Variants in BRF1 observed in about 807,000 individuals in gnomAD.
BRF1 encodes transcription factor IIIB 90 kDa subunit.
Under a neutral mutation model 81.7 loss-of-function variants are expected in BRF1, and 59 were observed. The observed-to-expected ratio is 0.72, with a 90% confidence interval of 0.59 to 0.90. BRF1 has a LOEUF of 0.90. Among genes scored for constraint, BRF1 ranks in the 40% least tolerant of loss-of-function variants. BRF1 has a pLI of 0.00. For synonymous variants in BRF1, 491 were observed against 395.6 expected, an observed-to-expected ratio of 1.24 and a Z score of -2.86; for missense variants, 1,050 against 936.3, an observed-to-expected ratio of 1.12 and a Z score of -1.58.
intron 3 of BRF1, among the ~76,000 whole-genome samples, chr14:105,259,825 G>C (rs370650667): frequency 6.6e-6 from 1 of 152,130 alleles, no homozygotes; most frequent in Admixed American, 6.5e-5. Context: ...CATTAGAATC[G>C]CTTGAACCCA....
chr14:105,217,589 G>A lies in BRF1; in HGVS notation c.1727C>T (p.Pro576Leu), dbSNP rs372345375. The part of the protein sequence containing the change: ...SARKLSRRRT[P>L]ASRSGADPVT... Reference sequence around the variant, plus strand: ...AGGGTCAGCCCCACTTCTGCTGGCCGGCGTCCTCCTTCGTGACAGCTTCCT... The same window carrying A: ...AGGGTCAGCCCCACTTCTGCTGGCCAGCGTCCTCCTTCGTGACAGCTTCCT... Residue 576 changes from proline to leucine, a missense_variant, in exon 15 of 18, where the codon CCG becomes CTG. This residue lies in a region of BRF1 where 1,043 missense variants were observed against 915.4 expected (regional missense o/e 1.14). Transcript: ENST00000547530. 27 of 1,613,452 alleles carry A rather than the reference G, an allele frequency of 1.7e-5. No homozygotes were observed. The highest frequency in any genetic ancestry group is 1.6e-4 in the Middle Eastern group (1 of 6,062).
intron 2 of BRF1, among the ~76,000 whole-genome samples, chr14:105,275,414 G>A (rs2056840147): frequency 6.6e-6 from 1 of 152,218 alleles, no homozygotes; most frequent in Admixed American, 6.5e-5. Context: ...GCCAAGCCAA[G>A]ACCCCAAAAG....
At chr14:105,292,125 G>T (rs895866592) in intron 1 of BRF1, among the ~76,000 whole-genome samples, 1 of 152,160 alleles carries the variant, frequency 6.6e-6, no homozygotes, top group East Asian at 1.9e-4. Context: ...CAAATAGGCG[G>T]GACCACAGAC....
chr14:105,251,170 C>A, intron 5 of BRF1: 1 of 160,304 alleles, frequency 6.2e-6, no homozygotes. Flanking sequence ...AGCTCCCTCC[C>A]ATCCCGAGGA....
intron 1 of BRF1, among the ~76,000 whole-genome samples, chr14:105,288,018 C>T (rs1378682600): frequency 6.6e-6 from 1 of 152,172 alleles, no homozygotes; most frequent in Non-Finnish European, 1.5e-5. Flanking sequence ...AGCAGGGCAC[C>T]AGCACTGAGC....
chr14:105,229,686 A>T (rs1452917022), intron 6 of BRF1, among the ~76,000 whole-genome samples: 14 of 145,432 alleles, frequency 9.6e-5, no homozygotes, highest in Non-Finnish European at 2.0e-4. Flanking sequence ...AGGAGCAACA[A>T]CCTAGCATCT....
chr14:105,262,159 G>A (rs1481560264), intron 3 of BRF1, among the ~76,000 whole-genome samples: 2 of 152,182 alleles, frequency 1.3e-5, no homozygotes, highest in Non-Finnish European at 2.9e-5. Flanking sequence ...ATGCCTGGAC[G>A]GGGCTATGAC....
rs2057314374 is a variant in BRF1, at chr14:105,286,327, C to T, written c.234G>A (p.Gly78=). The change falls in exon 2 of 18, where the codon GGG becomes GGA. Residue 78 remains glycine (G), a synonymous_variant. Transcript: ENST00000547530. The stretch of plus-strand genomic sequence containing the variant: ...GCAGGGTCTGCGCTCTCGACTCCTT[C>T]CCCAGATTCACGTGGAAGCCGCCAC... ...TLGGGFHVNL[G]KESRAQTLQN... 1.2e-6 allele frequency: 2 copies of T among 1,613,762 alleles called. No individual in the cohort carries two copies. Among genetic ancestry groups the T allele is most frequent in the African/African-American group, 1.3e-5 (1 of 75,062 alleles).
Position 105,269,560 on chromosome 14 carries a change from C to T in BRF1, c.439+3161G>A, listed in dbSNP as rs1382000551. ...GGATGCTGCCACTGTGAGCACTGTGCGTGAGCCTCGGTGGGGACACAGGTA... is the reference window on the plus strand; with the variant it reads ...GGATGCTGCCACTGTGAGCACTGTGTGTGAGCCTCGGTGGGGACACAGGTA... On this transcript the variant is annotated intron_variant, in intron 3 of 17. Coordinates refer to ENST00000547530, the MANE Select transcript of BRF1 (RefSeq NM_001519.4). This position sits in a 1 kb window ranked among gnomAD's most constrained non-coding sequence, Gnocchi z 5.0. Among the ~76,000 whole-genome samples, 1 of 152,128 alleles carries T rather than the reference C, an allele frequency of 6.6e-6. No individual in the cohort carries two copies. The highest frequency in any genetic ancestry group is 1.5e-5 in the Non-Finnish European group (1 of 68,022).
chr14:105,254,193 G>A (rs1373951942), intron 4 of BRF1, among the ~76,000 whole-genome samples: 3 of 152,246 alleles, frequency 2.0e-5, no homozygotes, highest in Admixed American at 6.5e-5. Flanking sequence ...AATCTCCAAA[G>A]GGCCTTTACA....
upstream of BRF1, among the ~76,000 whole-genome samples, chr14:105,302,878 G>A (rs1448708606): frequency 6.6e-6 from 1 of 151,708 alleles, no homozygotes; most frequent in Non-Finnish European, 1.5e-5. Flanking sequence ...ACTGCTCCCC[G>A]CCCTGTCCTC....
At chr14:105,228,745 G>A in intron 7 of BRF1, 75 bp downstream of exon 7, 9 of 1,550,034 alleles carry the variant, frequency 5.8e-6, no homozygotes, top group Middle Eastern at 1.7e-4. Context: ...GGTGGCGCCT[G>A]CTCTGGCAAG....
chr14:105,278,734 C>T (rs1407200648), intron 2 of BRF1, among the ~76,000 whole-genome samples: 1 of 151,742 alleles, frequency 6.6e-6, no homozygotes, highest in Non-Finnish European at 1.5e-5. Flanking sequence ...GGTGAGACCC[C>T]CATCTCTATT....
At chr14:105,311,407 C>T (rs1223109337) in intron 1 of BRF1, among the ~76,000 whole-genome samples, 1 of 152,102 alleles carries the variant, frequency 6.6e-6, no homozygotes, top group African/African-American at 2.4e-5. Context: ...ATGCGCACCA[C>T]CATGCCCAGG....
intron 5 of BRF1, chr14:105,247,703 G>A (rs998575524): frequency 3.0e-6 from 3 of 985,374 alleles, no homozygotes; most frequent in Non-Finnish European, 3.6e-6. Flanking sequence ...AGTTTTAAAA[G>A]TCTAAAGCCT....
chr14:105,221,836 T>C lies in BRF1; in HGVS notation c.1127A>G (p.His376Arg), dbSNP rs370406922. The C allele has an allele frequency of 8.7e-6, 14 of 1,609,628 alleles. No individual in the cohort carries two copies. The highest frequency in any genetic ancestry group is 1.2e-5 in the Non-Finnish European group (14 of 1,178,708). The change falls in exon 11 of 18, where the codon CAC becomes CGC. Residue 376 changes from histidine (H) to arginine (R), a missense_variant. Coordinates refer to ENST00000547530, the MANE Select transcript of BRF1 (RefSeq NM_001519.4). ...EDEELEAAAS[H>R]LNKDLYRELL... ...CTCCCGGTATAAGTCTTTGTTCAGG[T>C]GGCTGGCCGCGGCTTCCAGCTCCTC...
chr14:105,300,385 C>A, intron 1 of BRF1, 61 bp downstream of exon 1: 1 of 1,404,102 alleles, frequency 7.1e-7, no homozygotes, highest in Non-Finnish European at 9.2e-7. Context: ...GCGCCGTCAC[C>A]GCCTCCAGCC....
chr14:105,241,179 G>GC, intron 6 of BRF1, 86 bp downstream of exon 6: 1 of 1,560,620 alleles, frequency 6.4e-7, no homozygotes, highest in Admixed American at 1.7e-5. Flanking sequence ...CAAACATACG[G>GC]CCCAGCCCAC....
intron 3 of BRF1, among the ~76,000 whole-genome samples, chr14:105,266,298 G>A (rs1054333832): frequency 1.3e-5 from 2 of 151,372 alleles, no homozygotes; most frequent in African/African-American, 4.9e-5. Flanking sequence ...CTATGGTCCC[G>A]GCTACTCGGG....
Sources: gnomAD v4.1 joint callset for allele counts (sites outside exome capture counted in the v4.1 genomes callset) on GRCh38, gnomAD v4.1.1 for gene constraint, gnomAD v4.1.1 regional missense constraint, Gnocchi (gnomAD v3.1) non-coding constraint, MANE v1.5 for transcripts, NCBI Gene and HGNC (gene_info 2026-07-23, HGNC 2026-07-21) for gene names.